The following PANK4 variants were observed in gnomAD, a reference collection of about 807,000 sequenced individuals.
PANK4 encodes pantothenate kinase 4 (inactive).
A neutral mutation model predicts 87.9 loss-of-function variants in PANK4; 40 were observed. That is an observed-to-expected ratio of 0.46 (90% CI 0.35 to 0.59). PANK4 has a LOEUF of 0.59. Ranked by LOEUF, PANK4 falls within the 20% of genes least tolerant of loss-of-function variation. The pLI, the probability that PANK4 is intolerant of heterozygous loss-of-function variation, is 0.00. For synonymous variants in PANK4, 524 were observed against 467.4 expected (o/e 1.12, Z -1.56); for missense variants, 926 against 1,072.3 (o/e 0.86, Z 1.90).
intron 13 of PANK4, among the ~76,000 whole-genome samples, chr1:2,512,251 G>A (rs185288004): frequency 6.6e-6 from 1 of 152,318 alleles, no homozygotes; most frequent in African/African-American, 2.4e-5. Context: ...CATGGTTGGA[G>A]GCGGCGTTCT....
intron 1 of PANK4, chr1:2,525,521 A>C (rs1438280756): frequency 2.6e-5 from 4 of 152,208 alleles, no homozygotes; most frequent in African/African-American, 9.7e-5. Flanking sequence ...ACATGGGCAG[A>C]GTAGGAGAGC....
rs1399737349 is a variant in PANK4 at position 2,510,805 on chromosome 1, T to A, written c.1834-23A>T. ...CCCCTGTAAGACAAAACCAGGACGTTCAGTTGGGAACAGGCGCATCCAAGC... is the reference window on the plus strand; with the variant it reads ...CCCCTGTAAGACAAAACCAGGACGTACAGTTGGGAACAGGCGCATCCAAGC... On this transcript the variant is annotated intron_variant, in intron 15 of 18. Transcript: ENST00000378466. The surrounding 1 kb of genome is among the most constrained non-coding windows in gnomAD (Gnocchi z 4.9). 1 of 1,410,512 alleles carries A rather than the reference T, an allele frequency of 7.1e-7. No individual in the cohort carries two copies. Among genetic ancestry groups the A allele is most frequent in the Non-Finnish European group, 1.0e-6 (1 of 995,232 alleles). 87.4% of individuals were successfully genotyped at this position (1,410,512 alleles called of 1,614,324 possible). A position where few individuals can be genotyped will look rare whatever the true frequency, so the allele number is the denominator to read the frequency against.
At position 2,508,640 on chromosome 1, in the gene PANK4, T is replaced by G; in HGVS notation, c.*207A>C. On this transcript the variant is annotated 3_prime_UTR_variant, in exon 19 of 19. Coordinates refer to ENST00000378466, the MANE Select transcript of PANK4 (RefSeq NM_018216.4). This position sits in a 1 kb window ranked among gnomAD's most constrained non-coding sequence, Gnocchi z 5.1. ...TATATATATATATATAAAAGGTTCT[T>G]TAGCAGTTAAATAGATTCCAATATG... The G allele has an allele frequency of 4.7e-6, 2 of 422,158 alleles. No individual in the cohort carries two copies. Among genetic ancestry groups the G allele is most frequent in the Non-Finnish European group, 4.2e-6 (1 of 239,604 alleles). The allele number at this position is 422,158 out of a possible 1,614,324, so 26.2% of individuals were successfully genotyped here. A position where few individuals can be genotyped will look rare whatever the true frequency, so the allele number is the denominator to read the frequency against.
chr1:2,510,712 G>T lies in PANK4; in HGVS notation c.1904C>A (p.Pro635His). Residue 635 changes from proline to histidine, a missense_variant, in exon 16 of 19, where the codon CCC becomes CAC. Transcript: ENST00000378466. The surrounding 1 kb of genome is among the most constrained non-coding windows in gnomAD (Gnocchi z 4.9). ...TCTAAGGAGTAGCTCCCTGACAAAG[G>T]GGAAGACTCCCAAAATGATGTCTAT... ...SGIDIILGVF[P>H]FVRELLLRGT... is the part of the protein sequence containing the mutation. 1.9e-6 allele frequency: 3 copies of T among 1,610,728 alleles called. No homozygotes were observed. The highest frequency in any genetic ancestry group is 2.5e-6 in the Non-Finnish European group (3 of 1,177,638).
intron 1 of PANK4, among the ~76,000 whole-genome samples, chr1:2,524,549 T>C (rs566473423): frequency 6.6e-6 from 1 of 152,236 alleles, no homozygotes; most frequent in Non-Finnish European, 1.5e-5. Flanking sequence ...TCTTAGAGTA[T>C]CCTTCTACCA....
Position 2,509,100 on chromosome 1 carries a change from C to A in PANK4, c.2109-40G>T, listed in dbSNP as rs778426533. The A allele has an allele frequency of 2.7e-6, 4 of 1,481,882 alleles. No individual in the cohort carries two copies. Among genetic ancestry groups the A allele is most frequent in the Non-Finnish European group, 3.7e-6 (4 of 1,089,838 alleles). 91.8% of individuals were successfully genotyped at this position (1,481,882 alleles called of 1,614,324 possible). On this transcript the variant is annotated intron_variant, in intron 18 of 18. Coordinates refer to ENST00000378466, the MANE Select transcript of PANK4 (RefSeq NM_018216.4). This position sits in a 1 kb window ranked among gnomAD's most constrained non-coding sequence, Gnocchi z 4.9. ...AGGACGGTGAGACTGGGCAAGCAGA[C>A]CCCAGACCCCACTTCCCATACAGTG...
rs1196854942 is a variant in PANK4 at position 2,520,552 on chromosome 1, C to T, written c.607-138G>A. Reference sequence around the variant, plus strand: ...CAGTGGGAGGACTCTCATGGCCAAGCCTGGGGGCGCTGATGCCCCTCCCAC... The same window carrying T: ...CAGTGGGAGGACTCTCATGGCCAAGTCTGGGGGCGCTGATGCCCCTCCCAC... On this transcript the variant is annotated intron_variant, in intron 4 of 18. Transcript: ENST00000378466. This position sits in a 1 kb window ranked among gnomAD's most constrained non-coding sequence, Gnocchi z 6.2. 5.0e-6 allele frequency: 5 copies of T among 993,554 alleles called. No individual in the cohort carries two copies. The highest frequency in any genetic ancestry group is 7.5e-6 in the Non-Finnish European group (5 of 669,514). 61.5% of individuals were successfully genotyped at this position (993,554 alleles called of 1,614,324 possible).
intron 1 of PANK4, 92 bp from the exon 2 acceptor site, chr1:2,521,892 A>T: frequency 2.0e-6 from 2 of 977,234 alleles, no homozygotes; most frequent in South Asian, 1.3e-5. Context: ...TGTCCTGGAG[A>T]CTAAAGTCTC....
At chr1:2,525,248 T>A (rs1238550436) in intron 1 of PANK4, among the ~76,000 whole-genome samples, 1 of 151,976 alleles carries the variant, frequency 6.6e-6, no homozygotes, top group African/African-American at 2.4e-5. Context: ...TCTCTCTGAG[T>A]CCCAGCTTTT....
In PANK4 at chr1:2,515,968, A is replaced by C; in HGVS notation, c.1219-251T>G. 3.7e-6 allele frequency: 2 copies of C among 544,290 alleles called. No individual in the cohort carries two copies. The highest frequency in any genetic ancestry group is 6.6e-6 in the Non-Finnish European group (2 of 305,202). The allele number at this position is 544,290 out of a possible 1,614,324, so 33.7% of individuals were successfully genotyped here. On this transcript the variant is annotated intron_variant, in intron 9 of 18. Transcript: ENST00000378466. This position sits in a 1 kb window ranked among gnomAD's most constrained non-coding sequence, Gnocchi z 5.0. Reference sequence around the variant, plus strand: ...CCACCACACGCCTCCTGCCCCCAGCACCTCCCCGCTGCAGCCACACCTCCC... The same window carrying C: ...CCACCACACGCCTCCTGCCCCCAGCCCCTCCCCGCTGCAGCCACACCTCCC...
Position 2,510,321 on chromosome 1 carries a change from C to T in PANK4, c.1939-164G>A, listed in dbSNP as rs978957394. 6 of 633,660 alleles carry T rather than the reference C, an allele frequency of 9.5e-6. No homozygotes were observed. Among genetic ancestry groups the T allele is most frequent in the African/African-American group, 3.6e-5 (2 of 55,052 alleles). 39.3% of individuals were successfully genotyped at this position (633,660 alleles called of 1,614,324 possible). ...GCAGGGACCTCGCCTGACCTTGCCA[C>T]TCTGTGGCCCCTGGGAGGGAGCTGA... On this transcript the variant is annotated intron_variant, in intron 16 of 18. Transcript: ENST00000378466. The surrounding 1 kb of genome is among the most constrained non-coding windows in gnomAD (Gnocchi z 4.9).
rs778767833 is a variant in PANK4 at position 2,520,809 on chromosome 1, C to T, written c.520G>A (p.Asp174Asn). ...TTGGTCTGGAACCGGAACTCAGGGT[C>T]GGAATCCTTCTGGTACACGAAGGCC... ...HEAFVYQKDS[D>N]PEFRFQTNHP... The change falls in exon 4 of 19, where the codon GAC (aspartate) becomes AAC (asparagine). Residue 174 changes from aspartate to asparagine, a missense_variant. Physicochemically the swap from Asp to Asn is conservative, Grantham distance 23. Coordinates refer to ENST00000378466, the MANE Select transcript of PANK4 (RefSeq NM_018216.4). The surrounding 1 kb of genome is among the most constrained non-coding windows in gnomAD (Gnocchi z 6.2). 46 of 1,610,670 alleles carry T rather than the reference C, an allele frequency of 2.9e-5. No individual in the cohort carries two copies. The Middle Eastern group carries it at 4.9e-4, about 17-fold the overall frequency.
rs2477712 is a variant in PANK4, at chr1:2,509,236, G to A, written c.2109-176C>T. On this transcript the variant is annotated intron_variant, in intron 18 of 18. Transcript: ENST00000378466. This position sits in a 1 kb window ranked among gnomAD's most constrained non-coding sequence, Gnocchi z 4.9. Reference sequence around the variant, plus strand: ...CTCAGCCTGGGGCTTCCTCAGAGCAGCAGCTCACACAGGGCCAGAGCAGCT... The same window carrying A: ...CTCAGCCTGGGGCTTCCTCAGAGCAACAGCTCACACAGGGCCAGAGCAGCT... Among the ~76,000 whole-genome samples the A allele has an allele frequency of 0.022, 3,318 of 152,250 alleles. 116 individuals carry two copies. Among genetic ancestry groups the A allele is most frequent in the African/African-American group, 0.075 (3,133 of 41,542 alleles).
At position 2,519,289 on chromosome 1, in the gene PANK4, G is replaced by GC; in HGVS notation, c.888dup (p.His297AlafsTer43). On this transcript the variant is annotated frameshift_variant, in exon 7 of 19. Coordinates refer to ENST00000378466, the MANE Select transcript of PANK4 (RefSeq NM_018216.4). LOFTEE classifies it high-confidence loss of function. The surrounding 1 kb of genome is among the most constrained non-coding windows in gnomAD (Gnocchi z 8.3). ...TGCCCAATGTCGTTGCTGATCATGTGCAGCAGGCTCTTCGCCATGTCTTCT... is the reference window on the plus strand; with the variant it reads ...TGCCCAATGTCGTTGCTGATCATGTGCCAGCAGGCTCTTCGCCATGTCTTCT... 6.2e-7 allele frequency: 1 copy of GC among 1,611,182 alleles called. No homozygotes were observed. Among genetic ancestry groups the GC allele is most frequent in the Non-Finnish European group, 8.5e-7 (1 of 1,178,766 alleles).
chr1:2,515,690 C>G lies in PANK4; in HGVS notation c.1246G>C (p.Glu416Gln), dbSNP rs1303910993. The G allele has an allele frequency of 6.2e-7, 1 of 1,612,946 alleles. No individual in the cohort carries two copies. The highest frequency in any genetic ancestry group is 1.1e-5 in the South Asian group (1 of 91,086). ...TFDLLEMDRLERPLVDLPLLL... is the reference protein window; with the variant it reads ...TFDLLEMDRLQRPLVDLPLLL... ...AGCGGCAGGTCAACCAGTGGCCTCT[C>G]CAGCCGGTCCATTTCCAGCAAGTCA... The change falls in exon 10 of 19, where the codon GAG becomes CAG. Residue 416 changes from glutamate to glutamine, a missense_variant. Glu to Gln is a conservative substitution (Grantham distance 29, BLOSUM62 2). Transcript: ENST00000378466. This position sits in a 1 kb window ranked among gnomAD's most constrained non-coding sequence, Gnocchi z 5.0.
Position 2,518,159 on chromosome 1 carries a change from C to T in PANK4, c.1218+5G>A. 6.3e-7 allele frequency: 1 copy of T among 1,592,222 alleles called. No homozygotes were observed. Among genetic ancestry groups the T allele is most frequent in the Non-Finnish European group, 8.5e-7 (1 of 1,170,238 alleles). On this transcript the variant is annotated splice_donor_5th_base_variant and intron_variant, in intron 9 of 18. Transcript: ENST00000378466. ...GGCCCGGGGCGGCCAGAGCCCACTA[C>T]TCACAGTGCCACTCCGCGCCCGCTG...
At chr1:2,522,611 A>T (rs1643884047) in intron 1 of PANK4, among the ~76,000 whole-genome samples, 1 of 152,070 alleles carries the variant, frequency 6.6e-6, no homozygotes, top group African/African-American at 2.4e-5. Context: ...TGTTGAGGCT[A>T]GAGTTGTATT....
intron 15 of PANK4, 34 bp downstream of exon 15, chr1:2,511,304 C>A (rs1329412690): frequency 5.2e-6 from 8 of 1,539,060 alleles, no homozygotes; most frequent in Non-Finnish European, 7.2e-6. Flanking sequence ...CCGCTGTGTC[C>A]CCAGCAGCAG....
intron 12 of PANK4, 53 bp from the exon 13 acceptor site, chr1:2,513,092 C>A: frequency 3.9e-6 from 6 of 1,530,702 alleles, no homozygotes; most frequent in Admixed American, 1.9e-5. Context: ...CTCAGCCCAC[C>A]CTGGACACCT....
Sources: allele counts gnomAD v4.1 joint callset (sites outside exome capture counted in the v4.1 genomes callset), GRCh38; gene constraint gnomAD v4.1.1; non-coding constraint Gnocchi (gnomAD v3.1); transcripts MANE v1.5; gene names NCBI Gene and HGNC (gene_info 2026-07-23, HGNC 2026-07-21).